RAB38: variants seen among roughly 807,000 people sequenced by gnomAD.
RAB38 encodes the protein RAB38, member RAS oncogene family, also known as ras-related protein Rab-38.
A neutral mutation model predicts 18.4 loss-of-function variants in RAB38; 15 were observed. That is an observed-to-expected ratio of 0.82 (90% CI 0.55 to 1.26). The LOEUF (loss-of-function observed/expected upper bound fraction) is 1.26. Among genes scored for constraint, RAB38 ranks in the 50% most tolerant of loss-of-function variants. The probability of loss-of-function intolerance (pLI) is 0.00; values close to 1 mark genes in which losing one functional copy is unlikely to be tolerated. For synonymous variants in RAB38, 101 were observed against 104.4 expected, an observed-to-expected ratio of 0.97 and a Z score of 0.20; for missense variants, 294 against 267.4, an observed-to-expected ratio of 1.10 and a Z score of -0.69.
the RAB38 span, among the ~76,000 whole-genome samples, chr11:87,831,975 T>C: frequency 0.029 from 4,448 of 152,274 alleles, 138 homozygotes; most frequent in African/African-American, 0.076. Flanking sequence ...AAATGTCTAC[T>C]ATGTGCCAAA....
intron 2 of RAB38, among the ~76,000 whole-genome samples, chr11:88,135,043 T>C (rs1202833621): frequency 2.0e-5 from 3 of 152,178 alleles, no homozygotes; most frequent in African/African-American, 7.2e-5. Flanking sequence ...TCGACCATTT[T>C]CTTTCCGTGA....
At chr11:87,873,930 A>ATG in the RAB38 span, among the ~76,000 whole-genome samples, 1 of 140,182 alleles carries the variant, frequency 7.1e-6, no homozygotes, top group East Asian at 2.0e-4. Flanking sequence ...GTGTATATAT[A>ATG]TATATATATA....
At chr11:87,924,756 C>T in the RAB38 span, among the ~76,000 whole-genome samples, 1 of 151,946 alleles carries the variant, frequency 6.6e-6, no homozygotes, top group African/African-American at 2.4e-5. Context: ...AAGGGTTCAC[C>T]TTGGGTCATA....
the RAB38 span, among the ~76,000 whole-genome samples, chr11:88,077,541 T>A: frequency 4.6e-5 from 7 of 152,058 alleles, no homozygotes; most frequent in African/African-American, 1.7e-4. Flanking sequence ...GCCAAGAACA[T>A]GCAATAGGGA....
the RAB38 span, among the ~76,000 whole-genome samples, chr11:88,015,148 T>C: frequency 0.65 from 98,607 of 151,786 alleles, 32,333 homozygotes; most frequent in East Asian, 0.75. Context: ...TTAAGAAGTA[T>C]GTGGCTGGCT....
chr11:87,922,161 G>A, the RAB38 span, among the ~76,000 whole-genome samples: 12 of 152,062 alleles, frequency 7.9e-5, no homozygotes, highest in East Asian at 1.6e-3. Flanking sequence ...TCCATCCCAA[G>A]ATGCTTCATG....
chr11:87,853,348 A>C, the RAB38 span, among the ~76,000 whole-genome samples: 1 of 152,016 alleles, frequency 6.6e-6, no homozygotes, highest in Non-Finnish European at 1.5e-5. Flanking sequence ...TAAGATTAGT[A>C]TTTTTATGAG....
the RAB38 span, among the ~76,000 whole-genome samples, chr11:87,819,702 GTA>G: frequency 1.2e-3 from 4 of 3,360 alleles, no homozygotes; most frequent in Admixed American, 2.7e-3. Flanking sequence ...GTGTGTGTGT[GTA>G]TATATATATA....
the RAB38 span, among the ~76,000 whole-genome samples, chr11:88,021,700 C>G: frequency 6.6e-6 from 1 of 150,812 alleles, no homozygotes; most frequent in Non-Finnish European, 1.5e-5. Flanking sequence ...AAGCGATCCT[C>G]ATGCCTCAGC....
chr11:88,165,048 T>G (rs1450694041), intron 1 of RAB38, among the ~76,000 whole-genome samples: 1 of 152,042 alleles, frequency 6.6e-6, no homozygotes, highest in Non-Finnish European at 1.5e-5. Flanking sequence ...CAATGATGCA[T>G]GCAAAAAATT....
the RAB38 span, among the ~76,000 whole-genome samples, chr11:88,068,953 T>C: frequency 2.0e-5 from 3 of 152,208 alleles, no homozygotes; most frequent in African/African-American, 7.2e-5. Context: ...GTGGACACGC[T>C]TGAGGAGCCC....
chr11:88,010,277 C>T, the RAB38 span, among the ~76,000 whole-genome samples: 1 of 132,578 alleles, frequency 7.5e-6, no homozygotes, highest in Non-Finnish European at 1.6e-5. Flanking sequence ...TTTATTTGTT[C>T]TTTCAACAGT....
intron 2 of RAB38, among the ~76,000 whole-genome samples, chr11:88,120,759 T>A (rs1327547266): frequency 1.3e-5 from 2 of 152,112 alleles, no homozygotes; most frequent in Non-Finnish European, 2.9e-5. Flanking sequence ...TTTTCTTACC[T>A]CCTTTCTGTA....
chr11:87,855,452 T>G, the RAB38 span, among the ~76,000 whole-genome samples: 2 of 152,152 alleles, frequency 1.3e-5, no homozygotes, highest in African/African-American at 4.8e-5. Flanking sequence ...ATGTAAGAAT[T>G]ATGGACAGTT....
the RAB38 span, among the ~76,000 whole-genome samples, chr11:88,057,998 A>G: frequency 6.6e-6 from 1 of 152,232 alleles, no homozygotes; most frequent in Non-Finnish European, 1.5e-5. Flanking sequence ...GCAAGTTCCT[A>G]TAAATCTGCA....
At chr11:88,062,392 G>C in the RAB38 span, among the ~76,000 whole-genome samples, 1 of 152,140 alleles carries the variant, frequency 6.6e-6, no homozygotes, top group African/African-American at 2.4e-5. Flanking sequence ...GGCCTCCCCA[G>C]CCATGCAGAA....
chr11:88,139,787 A>G (rs923144357), intron 2 of RAB38, among the ~76,000 whole-genome samples: 1 of 152,228 alleles, frequency 6.6e-6, no homozygotes, highest in African/African-American at 2.4e-5. Context: ...CTGATGCACA[A>G]CTTTTACAAG....
chr11:87,837,416 G>T, the RAB38 span, among the ~76,000 whole-genome samples: 2 of 152,142 alleles, frequency 1.3e-5, no homozygotes, highest in African/African-American at 4.8e-5. Context: ...CATCAAGTTT[G>T]ATCTGTAATC....
At position 88,113,988 on chromosome 11, in the gene RAB38, C is replaced by G; in HGVS notation, c.636G>C (p.Ter212TyrextTer1). 6.2e-7 allele frequency: 1 copy of G among 1,614,096 alleles called. No individual in the cohort carries two copies. The highest frequency in any genetic ancestry group is 8.5e-7 in the Non-Finnish European group (1 of 1,179,980). The change falls in exon 3 of 3, where the codon TAG becomes TAC. Residue 212 changes from the stop codon to tyrosine (Y), a stop_lost. Coordinates refer to ENST00000243662, the MANE Select transcript of RAB38 (RefSeq NM_022337.3). ...VASCSGCAKS[*>Y] is the part of the protein sequence containing the mutation. ...TACCAGACACCAGCAAAGGTGCCTA[C>G]TAGGATTTGGCACAGCCAGAGCAGC...
Sources: gnomAD v4.1 joint callset for allele counts (sites outside exome capture counted in the v4.1 genomes callset) on GRCh38, gnomAD v4.1.1 for gene constraint, MANE v1.5 for transcripts, NCBI Gene and HGNC (gene_info 2026-07-23, HGNC 2026-07-21) for gene names.